The following PAX8 variants were observed in gnomAD, a reference collection of about 807,000 sequenced individuals.
The protein encoded by PAX8 is paired box protein Pax-8.
Under a neutral mutation model 52.4 loss-of-function variants are expected in PAX8, and 15 were observed. That is an observed-to-expected ratio of 0.29 (90% CI 0.19 to 0.44). The LOEUF (loss-of-function observed/expected upper bound fraction) is 0.44. Ranked by LOEUF, PAX8 falls within the 20% of genes least tolerant of loss-of-function variation. PAX8 has a pLI of 1.00. For synonymous variants in PAX8, 284 were observed against 249.7 expected, an observed-to-expected ratio of 1.14 and a Z score of -1.29; for missense variants, 554 against 602.5, an observed-to-expected ratio of 0.92 and a Z score of 0.84.
chr2:113,231,710 A>C (rs140555381), intron 9 of PAX8, among the ~76,000 whole-genome samples: 7 of 152,140 alleles, frequency 4.6e-5, no homozygotes, highest in African/African-American at 1.7e-4. Context: ...TGTGGCCTCA[A>C]CTTCCTTCTC....
At chr2:113,246,189 C>G (rs1056027758) in intron 3 of PAX8, among the ~76,000 whole-genome samples, 1 of 152,162 alleles carries the variant, frequency 6.6e-6, no homozygotes, top group Non-Finnish European at 1.5e-5. Flanking sequence ...CGCCTATTTC[C>G]CTAAAGTTCG....
At chr2:113,276,790 C>T (rs1693848591) in intron 2 of PAX8, among the ~76,000 whole-genome samples, 1 of 152,032 alleles carries the variant, frequency 6.6e-6, no homozygotes, top group Non-Finnish European at 1.5e-5. Flanking sequence ...CTGCCACCGC[C>T]GGAAGGGTCA....
At chr2:113,238,586 T>C (rs918762840) in intron 7 of PAX8, 1 of 152,164 alleles carries the variant, frequency 6.6e-6, no homozygotes, top group African/African-American at 2.4e-5. Context: ...AACTTCCCAG[T>C]GATTATTGGG....
chr2:113,262,433 C>G lies in PAX8; in HGVS notation c.26-15514G>C, dbSNP rs559608019. Among the ~76,000 whole-genome samples, 5 of 152,274 alleles carry G rather than the reference C, an allele frequency of 3.3e-5. No individual in the cohort carries two copies. The East Asian group carries it at 9.7e-4, about 29-fold the overall frequency. On this transcript the variant is annotated intron_variant, in intron 2 of 11. Coordinates refer to ENST00000429538, the MANE Select transcript of PAX8 (RefSeq NM_003466.4). ...GTTCTGGAGGATGGATGTCACCTTC[C>G]CCTTCTTTTTCTGTCAGCTCCAAAT...
chr2:113,234,853 G>A (rs1389427762), intron 9 of PAX8, among the ~76,000 whole-genome samples: 1 of 152,148 alleles, frequency 6.6e-6, no homozygotes, highest in Admixed American at 6.5e-5. Flanking sequence ...AGGCAGTTGA[G>A]GTTCCTGATG....
intron 4 of PAX8, among the ~76,000 whole-genome samples, 153 bp from the exon 5 acceptor site, chr2:113,242,931 G>A (rs1271641881): frequency 2.6e-5 from 4 of 152,080 alleles, no homozygotes; most frequent in African/African-American, 9.7e-5. Context: ...ACCCTACTCC[G>A]CATGCCTAGT....
In PAX8 at chr2:113,216,503, C is replaced by G. The variant is rs972992417; in HGVS notation, c.*2030G>C. 1 of 230,502 alleles carries G rather than the reference C, an allele frequency of 4.3e-6. No individual in the cohort carries two copies. The highest frequency in any genetic ancestry group is 2.2e-5 in the African/African-American group (1 of 45,174). The allele number at this position is 230,502 out of a possible 1,614,324, so 14.3% of individuals were successfully genotyped here. A position where few individuals can be genotyped will look rare whatever the true frequency, so the allele number is the denominator to read the frequency against. On this transcript the variant is annotated 3_prime_UTR_variant, in exon 12 of 12. Transcript: ENST00000429538. ...AGCTGCAGGCCCCTGCCCCCTTGTT[C>G]CAGCTGTGTCCCACATGGAGAAGGT...
rs13015478 is a variant in PAX8, at chr2:113,242,159, G to C, written c.479-29C>G. 143 of 1,605,762 alleles carry C rather than the reference G, an allele frequency of 8.9e-5. No homozygotes were observed. In the African/African-American group the frequency reaches 1.8e-3, roughly 20 times the overall value. Reference sequence around the variant, plus strand: ...CAGTGGGGGAGAGGGAGAGGGTCAGGGGTGGGAGTGACACCCCTCACAGCC... The same window carrying C: ...CAGTGGGGGAGAGGGAGAGGGTCAGCGGTGGGAGTGACACCCCTCACAGCC... On this transcript the variant is annotated intron_variant, in intron 5 of 11. Coordinates refer to ENST00000429538, the MANE Select transcript of PAX8 (RefSeq NM_003466.4).
intron 2 of PAX8, among the ~76,000 whole-genome samples, chr2:113,264,135 T>G (rs536584063): frequency 1.3e-3 from 191 of 152,330 alleles, no homozygotes; most frequent in Non-Finnish European, 2.0e-3. Flanking sequence ...CCAATTACCC[T>G]GCCAAGTCGA....
At chr2:113,246,263 T>G (rs1038978698) in intron 3 of PAX8, among the ~76,000 whole-genome samples, 1 of 152,234 alleles carries the variant, frequency 6.6e-6, no homozygotes, top group Non-Finnish European at 1.5e-5. Context: ...CTTCCCCTGG[T>G]GACTGTAATG....
At chr2:113,224,642 T>C (rs766460618) in intron 10 of PAX8, among the ~76,000 whole-genome samples, 1 of 148,214 alleles carries the variant, frequency 6.7e-6, no homozygotes, top group Non-Finnish European at 1.5e-5. Context: ...GATAGAAGGA[T>C]AGATGGGAAA....
intron 9 of PAX8, among the ~76,000 whole-genome samples, chr2:113,232,584 C>T (rs955591853): frequency 1.3e-5 from 2 of 152,212 alleles, no homozygotes; most frequent in Non-Finnish European, 2.9e-5. Flanking sequence ...GTTGGGTGAC[C>T]TCTCAGTCCT....
intron 4 of PAX8, among the ~76,000 whole-genome samples, chr2:113,243,396 TC>T (rs1167702919): frequency 1.4e-4 from 2 of 14,262 alleles, no homozygotes; most frequent in Non-Finnish European, 4.2e-4. Flanking sequence ...TTTCTTTCTT[TC>T]TTTTTTTTTT....
chr2:113,235,736 C>A, intron 8 of PAX8, 154 bp from the exon 9 acceptor site: 1 of 604,062 alleles, frequency 1.7e-6, no homozygotes, highest in Non-Finnish European at 2.9e-6. Context: ...CCGGGGCCCA[C>A]GAGGCGTGGC....
At chr2:113,231,213 CA>C (rs1416023286) in intron 9 of PAX8, among the ~76,000 whole-genome samples, 1 of 152,098 alleles carries the variant, frequency 6.6e-6, no homozygotes, top group East Asian at 1.9e-4. Flanking sequence ...TAATTTTGTA[CA>C]AAAGGATGGA....
chr2:113,230,770 A>G (rs113517069), intron 9 of PAX8, among the ~76,000 whole-genome samples: 2,902 of 152,358 alleles, frequency 0.019, 41 homozygotes, highest in African/African-American at 0.04. Flanking sequence ...AAACCACAGA[A>G]GCTGTGGGGT....
intron 2 of PAX8, among the ~76,000 whole-genome samples, chr2:113,277,218 C>T (rs1230970515): frequency 6.6e-6 from 1 of 152,146 alleles, no homozygotes; most frequent in Non-Finnish European, 1.5e-5. Flanking sequence ...AGGGAGCATT[C>T]GTCTGCAGCT....
intron 2 of PAX8, chr2:113,267,819 A>G (rs1005599180): frequency 2.2e-4 from 34 of 152,158 alleles, no homozygotes; most frequent in African/African-American, 6.8e-4. Flanking sequence ...TACTTTTAGT[A>G]TGTTTATGTG....
At chr2:113,240,435 G>A (rs1244270687) in intron 7 of PAX8, 2 of 152,246 alleles carry the variant, frequency 1.3e-5, no homozygotes. Context: ...ATATGGACTT[G>A]CCTCACTCCT....
Sources: gnomAD v4.1 joint callset for allele counts (sites outside exome capture counted in the v4.1 genomes callset) on GRCh38, gnomAD v4.1.1 for gene constraint, MANE v1.5 for transcripts, NCBI Gene and HGNC (gene_info 2026-07-23, HGNC 2026-07-21) for gene names.